The following ITGA10 variants were observed in gnomAD, a reference collection of about 807,000 sequenced individuals.
The protein encoded by ITGA10 is integrin subunit alpha 10, also known as integrin alpha-10.
In ITGA10, 105 loss-of-function variants were observed where a neutral mutation model predicts 145.2. The ratio of observed to expected loss-of-function variants is 0.72; its 90% CI spans 0.62 to 0.85. The LOEUF is 0.85. Among genes scored for constraint, ITGA10 ranks in the 40% least tolerant of loss-of-function variants. The probability of loss-of-function intolerance (pLI) is 0.00; values close to 1 mark genes in which losing one functional copy is unlikely to be tolerated. For missense variants in ITGA10, 1,317 were observed against 1,444.5 expected (o/e 0.91, Z 1.43); for synonymous variants, 506 against 557.8 (o/e 0.91, Z 1.31).
chr1:145,907,344 T>G lies in ITGA10; in HGVS notation c.164+10A>C. 1 of 1,614,188 alleles carries G rather than the reference T, an allele frequency of 6.2e-7. No individual in the cohort carries two copies. Among genetic ancestry groups the G allele is most frequent in the Non-Finnish European group, 8.5e-7 (1 of 1,180,032 alleles). ...GTCCCAATCCCCTGGCACTCCGGTTTCTTCCTCACCATCGCTGTCCACCCC... is the reference window on the plus strand; with the variant it reads ...GTCCCAATCCCCTGGCACTCCGGTTGCTTCCTCACCATCGCTGTCCACCCC... On this transcript the variant is annotated intron_variant, in intron 2 of 29. Transcript: ENST00000369304.
chr1:145,893,566 G>A lies in ITGA10; in HGVS notation c.3298C>T (p.Leu1100=). ...LGTEEGSVLQ[L]TEASRWSESL... ...TCACTCCAACGGGAGGCTTCAGTCA[G>A]CTGTAGGACACTGCCCTCTTCGGTT... The change falls in exon 28 of 30, where the codon CTG becomes TTG. Residue 1100 remains leucine, a synonymous_variant. Coordinates refer to ENST00000369304, the MANE Select transcript of ITGA10 (RefSeq NM_003637.5). 6.2e-7 allele frequency: 1 copy of A among 1,612,574 alleles called. No homozygotes were observed. The highest frequency in any genetic ancestry group is 2.2e-5 in the East Asian group (1 of 44,836).
chr1:145,904,188 G>A lies in ITGA10; in HGVS notation c.622C>T (p.Gln208Ter). ...TCATGTACAGGGCTCTCCCCATACT[G>A]TACCAGTCCCACCTGGGAATAAAGC... Reference protein sequence around the residue: ...DPEQIQVGLVQYGESPVHEWS... With the variant: ...DPEQIQVGLV The change falls in exon 7 of 30, where the codon CAG (glutamine) becomes TAG (stop). Residue 208 changes from glutamine (Q) to a stop codon, truncating the protein, a stop_gained. Transcript: ENST00000369304. LOFTEE classifies it high-confidence loss of function. 6.2e-7 allele frequency: 1 copy of A among 1,614,092 alleles called. No individual in the cohort carries two copies. Among genetic ancestry groups the A allele is most frequent in the Non-Finnish European group, 8.5e-7 (1 of 1,179,994 alleles).
intron 17 of ITGA10, among the ~76,000 whole-genome samples, 155 bp downstream of exon 17, chr1:145,898,780 AG>A (rs1346241567): frequency 6.6e-6 from 1 of 152,240 alleles, no homozygotes; most frequent in Non-Finnish European, 1.5e-5. Flanking sequence ...TGGCAGAGCT[AG>A]GATTCAAACC....
intron 7 of ITGA10, 80 bp from the exon 8 acceptor site, chr1:145,903,041 AC>A: frequency 2.0e-6 from 2 of 978,888 alleles, no homozygotes; most frequent in Non-Finnish European, 3.0e-6. Context: ...ACACACACAC[AC>A]ACACACACAC....
chr1:145,904,909 G>A (rs1409109621), intron 5 of ITGA10, 98 bp from the exon 6 acceptor site: 5 of 1,311,318 alleles, frequency 3.8e-6, no homozygotes, highest in Non-Finnish European at 5.4e-6. Context: ...CATTTATAAG[G>A]CACTTCTTAC....
chr1:145,909,977 A>G lies in ITGA10; in HGVS notation c.38T>C (p.Leu13Pro). ...LPFVTHLFLPLVFLTGLCSPF... is the reference protein window; with the variant it reads ...LPFVTHLFLPPVFLTGLCSPF... ...ACTTCCCTCACCTGTCAGGAACACC[A>G]GGGGCAAGAACAGGTGAGTGACGAA... Residue 13 changes from leucine to proline, a missense_variant, in exon 1 of 30, where the codon CTG (leucine) becomes CCG (proline). By Grantham distance (98) the Leu-to-Pro change is moderately conservative. Coordinates refer to ENST00000369304, the MANE Select transcript of ITGA10 (RefSeq NM_003637.5). 6.2e-7 allele frequency: 1 copy of G among 1,613,318 alleles called. No homozygotes were observed. Among genetic ancestry groups the G allele is most frequent in the Non-Finnish European group, 8.5e-7 (1 of 1,179,468 alleles).
chr1:145,893,205 C>T lies in ITGA10; in HGVS notation c.3394G>A (p.Gly1132Arg). 7 of 1,614,092 alleles carry T rather than the reference C, an allele frequency of 4.3e-6. No individual in the cohort carries two copies. Among genetic ancestry groups the T allele is most frequent in the Non-Finnish European group, 5.9e-6 (7 of 1,179,992 alleles). ...SLWILIGSVL[G>R]GLLLLALLVF... ...AGGAGAGCAAGCAGGAGCAACCCTC[C>T]CAGGACACTGCCTATGAGGATCCAC... Residue 1132 changes from glycine (G) to arginine (R), a missense_variant, in exon 29 of 30, where the codon GGA becomes AGA. Physicochemically the swap from Gly to Arg is moderately radical, Grantham distance 125 (BLOSUM62 -2). Transcript: ENST00000369304.
chr1:145,906,880 G>C, intron 3 of ITGA10, 56 bp from the exon 4 acceptor site: 2 of 1,324,270 alleles, frequency 1.5e-6, no homozygotes, highest in Admixed American at 3.6e-5. Flanking sequence ...TGGGGTGCTT[G>C]AATTCATGTG....
intron 27 of ITGA10, among the ~76,000 whole-genome samples, chr1:145,893,951 C>T (rs1655036508): frequency 6.6e-6 from 1 of 151,586 alleles, no homozygotes; most frequent in Admixed American, 6.6e-5. Flanking sequence ...GTCATCCCCT[C>T]TGGGATTTAG....
intron 27 of ITGA10, among the ~76,000 whole-genome samples, chr1:145,894,162 A>G (rs1342266071): frequency 6.9e-6 from 1 of 144,628 alleles, no homozygotes; most frequent in African/African-American, 2.6e-5. Flanking sequence ...CCCAGGCTGG[A>G]GTGCAGTGGC....
intron 15 of ITGA10, 58 bp downstream of exon 15, chr1:145,899,999 C>T (rs1276993642): frequency 3.9e-6 from 6 of 1,525,000 alleles, no homozygotes; most frequent in South Asian, 3.8e-5. Context: ...ACTTTAAGGC[C>T]CTTGCCTTTA....
In ITGA10 at chr1:145,903,188, A is replaced by T. The variant is rs112529113; in HGVS notation, c.759-227T>A. ...AATGTTTGAAGGTCATAGAACATACAGAGTAGCTTATCAGTCCAAATAAGT... is the reference window on the plus strand; with the variant it reads ...AATGTTTGAAGGTCATAGAACATACTGAGTAGCTTATCAGTCCAAATAAGT... On this transcript the variant is annotated intron_variant, in intron 7 of 29. Transcript: ENST00000369304. Among the ~76,000 whole-genome samples, 136 of 152,350 alleles carry T rather than the reference A, an allele frequency of 8.9e-4. 3 individuals are homozygous for T. Among genetic ancestry groups the T allele is most frequent in the African/African-American group, 9.9e-4 (41 of 41,574 alleles).
Position 145,898,980 on chromosome 1 carries a change from TG to T in ITGA10, c.2187del (p.Ser730ValfsTer26). The T allele has an allele frequency of 6.2e-7, 1 of 1,614,208 alleles. No homozygotes were observed. Among genetic ancestry groups the T allele is most frequent in the Non-Finnish European group, 8.5e-7 (1 of 1,180,040 alleles). The stretch of plus-strand genomic sequence containing the variant: ...TGCTCACAAGTGACATTCCCCACAC[TG>T]AGCCGGAGCCTCCGAGGGGACAACC... ...GQRLSPRRLRLSVGNVTCEQL... is the reference protein window; with the variant it reads ...GQRLSPRRLRXSVGNVTCEQL... On this transcript the variant is annotated frameshift_variant, in exon 17 of 30. Coordinates refer to ENST00000369304, the MANE Select transcript of ITGA10 (RefSeq NM_003637.5). LOFTEE classifies it high-confidence loss of function.
chr1:145,893,655 G>C lies in ITGA10; in HGVS notation c.3229-20C>G. ...CTTGGCCTATGGAACAAGTGGATAG[G>C]AAGACATTTAAAATGAGCCATTATC... On this transcript the variant is annotated intron_variant, in intron 27 of 29. Transcript: ENST00000369304. The C allele has an allele frequency of 6.3e-7, 1 of 1,587,764 alleles. No individual in the cohort carries two copies. Among genetic ancestry groups the C allele is most frequent in the Non-Finnish European group, 8.6e-7 (1 of 1,159,032 alleles).
At chr1:145,909,867 C>G (rs1657660414) in intron 1 of ITGA10, 96 bp downstream of exon 1, 1 of 1,127,224 alleles carries the variant, frequency 8.9e-7, no homozygotes, top group Non-Finnish European at 1.4e-6. Flanking sequence ...GCTTCCTAAC[C>G]TAAATCCCAA....
At chr1:145,907,600 TCA>T (rs1657334675) in intron 1 of ITGA10, 135 bp from the exon 2 acceptor site, 19 of 1,479,008 alleles carry the variant, frequency 1.3e-5, no homozygotes, top group African/African-American at 2.8e-5. Flanking sequence ...CTGGCCTCTC[TCA>T]GTGTCATGTA....
intron 6 of ITGA10, 85 bp downstream of exon 6, chr1:145,904,599 T>C: frequency 6.9e-7 from 1 of 1,449,882 alleles, no homozygotes; most frequent in South Asian, 1.2e-5. Flanking sequence ...AGTCTTGAAC[T>C]CCTGGCCTCA....
chr1:145,895,907 C>A (rs1272217294), intron 25 of ITGA10, 76 bp downstream of exon 25: 3 of 1,202,348 alleles, frequency 2.5e-6, no homozygotes, highest in Non-Finnish European at 3.7e-6. Flanking sequence ...AGATAGGGAG[C>A]TGGTGTGGTG....
At chr1:145,906,958 GA>G in intron 3 of ITGA10, 82 bp downstream of exon 3, 1 of 1,203,950 alleles carries the variant, frequency 8.3e-7, no homozygotes, top group Non-Finnish European at 1.2e-6. Flanking sequence ...TTTTAGGGGT[GA>G]AAAAGCTGAG....
Sources: gnomAD v4.1 joint callset for allele counts (sites outside exome capture counted in the v4.1 genomes callset) on GRCh38, gnomAD v4.1.1 for gene constraint, MANE v1.5 for transcripts, NCBI Gene and HGNC (gene_info 2026-07-23, HGNC 2026-07-21) for gene names.